The following LARP6 variants were observed in gnomAD, a reference collection of about 807,000 sequenced individuals.
LARP6 encodes the protein La ribonucleoprotein 6, translational regulator, also known as la-related protein 6.
Under a neutral mutation model 32.8 loss-of-function variants are expected in LARP6, and 18 were observed. The observed-to-expected ratio is 0.55, with a 90% CI of 0.38 to 0.81. The LOEUF (loss-of-function observed/expected upper bound fraction) is 0.81, where lower values mean the gene tolerates loss of function less well. LARP6 is among the 40% of genes least tolerant of loss of function. The pLI is 0.00. For missense variants in LARP6, 598 were observed against 663.1 expected (o/e 0.90, Z 1.08); for synonymous variants, 289 against 267.2 (o/e 1.08, Z -0.80).
chr15:70,837,799 C>A (rs993498334), intron 1 of LARP6, among the ~76,000 whole-genome samples: 1 of 152,162 alleles, frequency 6.6e-6, no homozygotes, highest in Admixed American at 6.5e-5. Flanking sequence ...CTCTAGGAGT[C>A]CTGGCTTTAG....
At chr15:70,833,207 C>T in intron 2 of LARP6, 91 bp from the exon 3 acceptor site, 2 of 997,876 alleles carry the variant, frequency 2.0e-6, no homozygotes, top group Non-Finnish European at 3.1e-6. Flanking sequence ...TTCCTTATCC[C>T]TGTAACACTA....
At chr15:70,851,379 GA>G (rs1372859558) in intron 1 of LARP6, 2 of 966,948 alleles carry the variant, frequency 2.1e-6, no homozygotes, top group Non-Finnish European at 2.6e-6. Context: ...AGAATAAAAG[GA>G]AAGGCATCTT....
At chr15:70,846,259 T>C (rs974769735) in intron 1 of LARP6, among the ~76,000 whole-genome samples, 9 of 152,172 alleles carry the variant, frequency 5.9e-5, no homozygotes, top group African/African-American at 2.2e-4. Context: ...TGTCACTGAT[T>C]TACTTTAATA....
rs1012822505 is a variant in LARP6 at position 70,831,833 on chromosome 15, G to T, written c.*219C>A. The T allele has an allele frequency of 1.8e-5, 7 of 382,738 alleles. No homozygotes were observed. Among genetic ancestry groups the T allele is most frequent in the African/African-American group, 1.5e-4 (7 of 48,190 alleles). 23.7% of individuals were successfully genotyped at this position (382,738 alleles called of 1,614,324 possible). On this transcript the variant is annotated 3_prime_UTR_variant, in exon 3 of 3. Coordinates refer to ENST00000299213, the MANE Select transcript of LARP6 (RefSeq NM_018357.4). ...ACACACATCAGCCATCATCAAAATA[G>T]TGGCCATGCTGGGAAGAACAGGAGT...
Position 70,833,035 on chromosome 15 carries a change from G to C in LARP6, c.493C>G (p.Arg165Gly). Residue 165 changes from arginine (R) to glycine (G), a missense_variant, in exon 3 of 3, where the codon CGG becomes GGG. Physicochemically the swap from Arg to Gly is moderately radical, Grantham distance 125. Transcript: ENST00000299213. Reference protein sequence around the residue: ...SVVLELNEDHRKVRRTTPVPL... With the variant: ...SVVLELNEDHGKVRRTTPVPL... ...ACGGGGGTGGTCCTCCTCACCTTCC[G>C]GTGGTCCTCATTCAACTCAAGGACC... is the stretch of plus-strand genomic sequence containing the variant. 1 of 1,613,976 alleles carries C rather than the reference G, an allele frequency of 6.2e-7. No homozygotes were observed. Among genetic ancestry groups the C allele is most frequent in the Non-Finnish European group, 8.5e-7 (1 of 1,179,904 alleles).
intron 1 of LARP6, among the ~76,000 whole-genome samples, chr15:70,844,537 T>C (rs895120818): frequency 7.9e-5 from 12 of 152,214 alleles, no homozygotes; most frequent in Non-Finnish European, 1.2e-4. Context: ...TTTATTATTA[T>C]GACTATGTAA....
intron 1 of LARP6, among the ~76,000 whole-genome samples, chr15:70,842,297 G>A (rs1013797035): frequency 4.0e-5 from 6 of 151,666 alleles, no homozygotes; most frequent in East Asian, 1.9e-4. Flanking sequence ...ATCCACCCAC[G>A]TCAGCCTCCC....
At chr15:70,846,566 G>A (rs746310849) in intron 1 of LARP6, among the ~76,000 whole-genome samples, 2 of 151,838 alleles carry the variant, frequency 1.3e-5, no homozygotes, top group African/African-American at 4.8e-5. Flanking sequence ...CCATGACTGC[G>A]CCACTGCACT....
chr15:70,840,445 C>G (rs2032231865), intron 1 of LARP6, among the ~76,000 whole-genome samples: 1 of 152,136 alleles, frequency 6.6e-6, no homozygotes, highest in Non-Finnish European at 1.5e-5. Context: ...GAGGCTGAGG[C>G]AAGAGAATCG....
chr15:70,854,148 G>T lies in LARP6; in HGVS notation c.-60C>A. On this transcript the variant is annotated 5_prime_UTR_variant, in exon 1 of 3. Transcript: ENST00000299213. ...CGCCGCAAGGCCCAGCCAGCCGGTC[G>T]GCAGCGACTGCGACGAGGGGGCGGG... The T allele has an allele frequency of 5.1e-6, 6 of 1,169,888 alleles. No individual in the cohort carries two copies. The highest frequency in any genetic ancestry group is 6.4e-6 in the Non-Finnish European group (6 of 938,524). 72.5% of individuals were successfully genotyped at this position (1,169,888 alleles called of 1,614,324 possible). A position where few individuals can be genotyped will look rare whatever the true frequency, so the allele number is the denominator to read the frequency against.
chr15:70,853,481 C>T lies in LARP6; in HGVS notation c.200+408G>A, dbSNP rs575274978. 6.7e-4 allele frequency: 106 copies of T among 158,278 alleles called. 1 individual carries two copies. Among genetic ancestry groups the T allele is most frequent in the African/African-American group, 2.4e-3 (100 of 41,836 alleles). The allele number at this position is 158,278 out of a possible 1,614,324, so 9.8% of individuals were successfully genotyped here. On this transcript the variant is annotated intron_variant, in intron 1 of 2. Transcript: ENST00000299213. ...GATGGCAGTGAAGGGTAAGCGGGACCACTCGCAAGGGGAGGGGAAGGCGGG... is the reference window on the plus strand; with the variant it reads ...GATGGCAGTGAAGGGTAAGCGGGACTACTCGCAAGGGGAGGGGAAGGCGGG...
intron 1 of LARP6, among the ~76,000 whole-genome samples, chr15:70,845,048 T>C (rs549398807): frequency 2.3e-4 from 35 of 152,328 alleles, no homozygotes; most frequent in African/African-American, 8.4e-4. Context: ...AGAAAAGTTG[T>C]GAAAATTGTA....
chr15:70,835,247 G>T (rs2032125887), intron 2 of LARP6, among the ~76,000 whole-genome samples: 1 of 152,154 alleles, frequency 6.6e-6, no homozygotes, highest in South Asian at 2.1e-4. Context: ...AGTTCTCCAG[G>T]CAGGGTTAGT....
chr15:70,844,911 A>G (rs2032320165), intron 1 of LARP6, among the ~76,000 whole-genome samples: 1 of 152,162 alleles, frequency 6.6e-6, no homozygotes, highest in African/African-American at 2.4e-5. Context: ...TCACCTCTGT[A>G]TCCTTTGGGG....
At chr15:70,842,599 T>C (rs996132570) in intron 1 of LARP6, among the ~76,000 whole-genome samples, 2 of 152,170 alleles carry the variant, frequency 1.3e-5, no homozygotes, top group African/African-American at 4.8e-5. Context: ...CTTCTCACCT[T>C]CTGCAGAACC....
chr15:70,849,023 G>GT (rs1458955999), intron 1 of LARP6: 2 of 152,118 alleles, frequency 1.3e-5, no homozygotes, highest in East Asian at 3.9e-4. Context: ...ATCCTGTAAT[G>GT]TAAATTTGAA....
chr15:70,842,805 T>C (rs2032280639), intron 1 of LARP6, among the ~76,000 whole-genome samples: 1 of 152,080 alleles, frequency 6.6e-6, no homozygotes, highest in Non-Finnish European at 1.5e-5. Context: ...GTGGAGGTGA[T>C]ATAAACCCCT....
In LARP6 at chr15:70,850,806, A is replaced by G. The variant is rs572290964; in HGVS notation, c.200+3083T>C. On this transcript the variant is annotated intron_variant, in intron 1 of 2. Transcript: ENST00000299213. The stretch of plus-strand genomic sequence containing the variant: ...CTATCTTTCAGTTTATAAGAAGCAC[A>G]TGGTACAAAGGAGCAAGTAAAATAA... 4.6e-5 allele frequency among the ~76,000 whole-genome samples: 7 copies of G among 151,852 alleles called. No individual in the cohort carries two copies. The South Asian group carries it at 1.2e-3, about 27-fold the overall frequency.
chr15:70,850,459 A>G (rs888432214), intron 1 of LARP6, among the ~76,000 whole-genome samples: 3 of 152,244 alleles, frequency 2.0e-5, no homozygotes, highest in Admixed American at 1.3e-4. Context: ...AATATTAGCA[A>G]ACTGAATTCG....
Sources: gnomAD v4.1 joint callset for allele counts (sites outside exome capture counted in the v4.1 genomes callset) on GRCh38, gnomAD v4.1.1 for gene constraint, MANE v1.5 for transcripts, NCBI Gene and HGNC (gene_info 2026-07-23, HGNC 2026-07-21) for gene names.